EDA: variants seen among roughly 807,000 people sequenced by gnomAD.
The protein encoded by EDA is ectodysplasin A.
Under a neutral mutation model 23.6 loss-of-function variants are expected in EDA, and 2 were observed. The ratio of observed to expected loss-of-function variants is 0.08; its 90% CI spans 0.03 to 0.27. The LOEUF (loss-of-function observed/expected upper bound fraction) is 0.27. Ranked by LOEUF, EDA falls within the 10% of genes least tolerant of loss-of-function variation. EDA has a pLI of 1.00. For missense variants in EDA, 229 were observed against 324.2 expected (o/e 0.71, Z 2.26); for synonymous variants, 131 against 132.0 (o/e 0.99, Z 0.05).
At chrX:69,718,648 C>T (rs2012445856) in intron 1 of EDA, among the ~76,000 whole-genome samples, 2 of 111,409 alleles carry the variant, frequency 1.8e-5, no homozygotes, top group Admixed American at 1.9e-4. Flanking sequence ...ATAAACCCCA[C>T]TTGTTCATGA....
At chrX:69,980,117 T>G (rs999990504) in intron 2 of EDA, among the ~76,000 whole-genome samples, 7 of 111,475 alleles carry the variant, frequency 6.3e-5, no homozygotes, top group African/African-American at 2.3e-4. Flanking sequence ...TATAGCTTCT[T>G]TGACCACAAT....
At chrX:69,904,225 C>T (rs1444507545) in intron 1 of EDA, among the ~76,000 whole-genome samples, 2 of 112,173 alleles carry the variant, frequency 1.8e-5, no homozygotes, top group Non-Finnish European at 3.8e-5. Flanking sequence ...CAAATCAATT[C>T]TTCTAGTTAT....
intron 1 of EDA, among the ~76,000 whole-genome samples, chrX:69,879,162 G>A (rs1352007619): frequency 9.1e-6 from 1 of 110,367 alleles, no homozygotes; most frequent in Non-Finnish European, 1.9e-5. Flanking sequence ...CTGCACTGTG[G>A]ACTACTGCTT....
chrX:69,617,804 C>T (rs1246461217), intron 1 of EDA: 1 of 320,045 alleles, frequency 3.1e-6, no homozygotes, highest in Non-Finnish European at 5.9e-6. Flanking sequence ...CTGCCACATC[C>T]AGAGTCATTG....
chrX:69,934,843 ATGAT>A (rs1484984751), intron 1 of EDA, among the ~76,000 whole-genome samples: 1 of 111,535 alleles, frequency 9.0e-6, no homozygotes. Flanking sequence ...AAAATGTACA[ATGAT>A]TGTTGACTGT....
chrX:70,013,347 C>A (rs1429407595), intron 2 of EDA, among the ~76,000 whole-genome samples: 1 of 110,901 alleles, frequency 9.0e-6, no homozygotes, highest in Non-Finnish European at 1.9e-5. Context: ...GTCCTTACCC[C>A]CTACACTTCA....
At chrX:69,982,055 G>C (rs761390622) in intron 2 of EDA, among the ~76,000 whole-genome samples, 1 of 111,377 alleles carries the variant, frequency 9.0e-6, no homozygotes, top group African/African-American at 3.3e-5. Context: ...GATAGGACTT[G>C]TCAAGTGGAG....
At chrX:69,743,395 T>C (rs2013520827) in intron 1 of EDA, among the ~76,000 whole-genome samples, 1 of 112,024 alleles carries the variant, frequency 8.9e-6, no homozygotes, top group Non-Finnish European at 1.9e-5. Flanking sequence ...AGTAGTTGGT[T>C]TTTTGTATGT....
At position 69,893,916 on chromosome X, in the gene EDA, A is replaced by G. The variant is rs1471882645; in HGVS notation, c.397-63111A>G. Among the ~76,000 whole-genome samples the G allele has an allele frequency of 2.7e-5, 3 of 112,052 alleles. No individual in the cohort carries two copies. The East Asian group carries it at 8.4e-4, about 31-fold the overall frequency. On this transcript the variant is annotated intron_variant, in intron 1 of 7. Coordinates refer to ENST00000374552, the MANE Select transcript of EDA (RefSeq NM_001399.5). ...AAGGAGTTGGACCAAGATGAATTCT[A>G]AGGTCTCCCCCAGCACCAACTTTCT...
intron 6 of EDA, among the ~76,000 whole-genome samples, chrX:70,031,284 G>T (rs1000159277): frequency 8.9e-6 from 1 of 112,032 alleles, no homozygotes; most frequent in African/African-American, 3.2e-5. Flanking sequence ...TAGGAGCCAG[G>T]ATTCAAAACT....
chrX:69,879,604 C>T (rs1465940406), intron 1 of EDA, among the ~76,000 whole-genome samples: 1 of 111,821 alleles, frequency 8.9e-6, no homozygotes, highest in African/African-American at 3.3e-5. Context: ...ATAACTAGGT[C>T]ATGAGAGTAT....
chrX:69,829,530 G>A (rs2016553947), intron 1 of EDA, among the ~76,000 whole-genome samples: 1 of 112,305 alleles, frequency 8.9e-6, no homozygotes, highest in Non-Finnish European at 1.9e-5. Context: ...TATATTTAAG[G>A]ATAAATGATA....
rs909611949 is a variant in EDA, at chrX:69,781,092, T to A, written c.396+164388T>A. Among the ~76,000 whole-genome samples the A allele has an allele frequency of 3.6e-5, 4 of 112,004 alleles. No individual in the cohort carries two copies. In the East Asian group the frequency reaches 8.4e-4, roughly 24 times the overall value. On this transcript the variant is annotated intron_variant, in intron 1 of 7. Coordinates refer to ENST00000374552, the MANE Select transcript of EDA (RefSeq NM_001399.5). Reference sequence around the variant, plus strand: ...GTATCTACTTAATTTTTTTCTATGATTGAATAATAGTCCATTGTATGAAAA... The same window carrying A: ...GTATCTACTTAATTTTTTTCTATGAATGAATAATAGTCCATTGTATGAAAA...
intron 1 of EDA, among the ~76,000 whole-genome samples, chrX:69,679,651 G>A (rs1412107088): frequency 9.0e-6 from 1 of 111,630 alleles, no homozygotes; most frequent in African/African-American, 3.3e-5. Context: ...GTATTTCTGT[G>A]GGATCGGTGG....
intron 1 of EDA, among the ~76,000 whole-genome samples, chrX:69,699,218 T>C (rs1235301595): frequency 9.1e-6 from 1 of 110,479 alleles, no homozygotes; most frequent in Non-Finnish European, 1.9e-5. Flanking sequence ...ATGGAAAGAG[T>C]TGTGGAGACT....
chrX:69,624,737 G>C (rs1001615921), intron 1 of EDA, among the ~76,000 whole-genome samples: 6 of 105,923 alleles, frequency 5.7e-5, no homozygotes, highest in Non-Finnish European at 7.8e-5. Context: ...CTCTTTGAAG[G>C]GTCCTTAATT....
At chrX:69,932,595 G>C (rs1021310862) in intron 1 of EDA, among the ~76,000 whole-genome samples, 2 of 111,848 alleles carry the variant, frequency 1.8e-5, no homozygotes, top group Non-Finnish European at 3.8e-5. Context: ...GAAGATTTCT[G>C]TTCCAAGGTT....
chrX:69,859,183 C>A (rs766647416), intron 1 of EDA, among the ~76,000 whole-genome samples: 31 of 110,763 alleles, frequency 2.8e-4, no homozygotes, highest in African/African-American at 1.0e-3. Context: ...AAAGAAACAG[C>A]TCCTAGATTC....
intron 1 of EDA, among the ~76,000 whole-genome samples, chrX:69,828,803 C>G (rs2016533938): frequency 8.9e-6 from 1 of 112,466 alleles, no homozygotes; most frequent in Non-Finnish European, 1.9e-5. Context: ...TTTCATTAGC[C>G]CATCAATGAA....
Sources: gnomAD v4.1 joint callset for allele counts (sites outside exome capture counted in the v4.1 genomes callset) on GRCh38, gnomAD v4.1.1 for gene constraint, MANE v1.5 for transcripts, NCBI Gene and HGNC (gene_info 2026-07-23, HGNC 2026-07-21) for gene names.